Variants in IPCEF1 observed in about 807,000 individuals in gnomAD.
The protein encoded by IPCEF1 is interactor protein for cytohesin exchange factors 1.
Under a neutral mutation model 50.9 loss-of-function variants are expected in IPCEF1, and 31 were observed. The ratio of observed to expected loss-of-function variants is 0.61; its 90% confidence interval spans 0.46 to 0.82. IPCEF1 has a LOEUF of 0.82. Among genes scored for constraint, IPCEF1 ranks in the 40% least tolerant of loss-of-function variants. IPCEF1 has a pLI of 0.00. For missense variants in IPCEF1, 458 were observed against 514.0 expected, an observed-to-expected ratio of 0.89 and a Z score of 1.05; for synonymous variants, 181 against 192.0, an observed-to-expected ratio of 0.94 and a Z score of 0.47.
chr6:154,266,226 G>GA (rs923855152), intron 2 of IPCEF1, among the ~76,000 whole-genome samples: 64 of 151,412 alleles, frequency 4.2e-4, no homozygotes, highest in African/African-American at 1.5e-3. Context: ...GTCCCTAAAA[G>GA]AAAAAAAACA....
chr6:154,341,413 G>A (rs1783915626), intron 1 of IPCEF1, among the ~76,000 whole-genome samples: 1 of 152,242 alleles, frequency 6.6e-6, no homozygotes, highest in Non-Finnish European at 1.5e-5. Context: ...GAAGCCTACA[G>A]AAGGGATCAT....
chr6:154,237,296 G>A (rs1448155106), intron 5 of IPCEF1, among the ~76,000 whole-genome samples: 1 of 152,184 alleles, frequency 6.6e-6, no homozygotes, highest in African/African-American at 2.4e-5. Flanking sequence ...TCTTCCTCCA[G>A]GGTGGAAAAC....
At chr6:154,315,600 A>G (rs57737995) in intron 1 of IPCEF1, among the ~76,000 whole-genome samples, 6,911 of 152,194 alleles carry the variant, frequency 0.045, 193 homozygotes, top group South Asian at 0.096. Flanking sequence ...GCCAGTATCC[A>G]CCATTAATGA....
rs536559176 is a variant in IPCEF1, at chr6:154,176,438, CA to C, written c.911-8326del. 5.9e-3 allele frequency among the ~76,000 whole-genome samples: 905 copies of C among 152,274 alleles called. 12 individuals are homozygous for C. Among genetic ancestry groups the C allele is most frequent in the African/African-American group, 0.021 (864 of 41,548 alleles). On this transcript the variant is annotated intron_variant, in intron 10 of 11. Coordinates refer to ENST00000367220, the MANE Select transcript of IPCEF1 (RefSeq NM_001130700.2). The stretch of plus-strand genomic sequence containing the variant: ...TTTAGAAAACCCCATCATCTCAGCC[CA>C]AAATCTCCTTAAGCTGATAAGCAAC...
intron 1 of IPCEF1, among the ~76,000 whole-genome samples, chr6:154,307,876 C>T (rs1782976090): frequency 6.6e-6 from 1 of 152,182 alleles, no homozygotes; most frequent in Admixed American, 6.5e-5. Flanking sequence ...GACGACTGAG[C>T]TGCCCTTTCC....
intron 5 of IPCEF1, among the ~76,000 whole-genome samples, chr6:154,233,278 C>T (rs1235107780): frequency 1.3e-5 from 2 of 152,252 alleles, no homozygotes; most frequent in South Asian, 4.1e-4. Context: ...CTGAGCCATC[C>T]GACTAGCTGT....
intron 9 of IPCEF1, among the ~76,000 whole-genome samples, chr6:154,200,970 G>A (rs575989449): frequency 6.6e-6 from 1 of 152,216 alleles, no homozygotes; most frequent in Admixed American, 6.5e-5. Flanking sequence ...TTGGATCATG[G>A]GGGTGGTTTC....
intron 10 of IPCEF1, among the ~76,000 whole-genome samples, chr6:154,197,744 ACCT>A (rs1431145525): frequency 6.6e-6 from 1 of 151,620 alleles, no homozygotes; most frequent in African/African-American, 2.4e-5. Flanking sequence ...AAAACCCTCA[ACCT>A]CCAGGGTTAT....
intron 10 of IPCEF1, among the ~76,000 whole-genome samples, chr6:154,169,063 A>G (rs1448857437): frequency 6.8e-6 from 1 of 147,106 alleles, no homozygotes; most frequent in African/African-American, 2.5e-5. Flanking sequence ...CCAAAAGCTC[A>G]CCCAAATATC....
At chr6:154,218,490 A>T (rs933897911) in intron 7 of IPCEF1, among the ~76,000 whole-genome samples, 1 of 152,126 alleles carries the variant, frequency 6.6e-6, no homozygotes, top group East Asian at 1.9e-4. Context: ...AACTTCTAAA[A>T]CAAGGACTCA....
chr6:154,268,530 C>A (rs1311612011), intron 2 of IPCEF1, among the ~76,000 whole-genome samples: 1 of 152,214 alleles, frequency 6.6e-6, no homozygotes, highest in Non-Finnish European at 1.5e-5. Flanking sequence ...CAAGAACATC[C>A]TAACTGATGT....
intron 6 of IPCEF1, among the ~76,000 whole-genome samples, chr6:154,222,663 G>T (rs749609783): frequency 6.6e-6 from 1 of 151,914 alleles, no homozygotes; most frequent in Non-Finnish European, 1.5e-5. Flanking sequence ...AATTTTTTTT[G>T]GTCCCTGTCA....
intron 3 of IPCEF1, among the ~76,000 whole-genome samples, chr6:154,257,374 T>G (rs1034555374): frequency 6.6e-6 from 1 of 152,216 alleles, no homozygotes; most frequent in Non-Finnish European, 1.5e-5. Flanking sequence ...GCAAACTACT[T>G]CCTGCTTCCA....
In IPCEF1 at chr6:154,241,774, T is replaced by G. The variant is rs367686332; in HGVS notation, c.246+4817A>C. On this transcript the variant is annotated intron_variant, in intron 5 of 11. Transcript: ENST00000367220. ...TGCTGCTAGGTTCATATTTTTCGCA[T>G]GCCAATTTCACGAGCTCACCTTCCG... 2.6e-5 allele frequency among the ~76,000 whole-genome samples: 4 copies of G among 152,284 alleles called. No homozygotes were observed. The East Asian group carries it at 7.7e-4, about 29-fold the overall frequency.
chr6:154,289,625 T>C (rs1428620556), intron 2 of IPCEF1, 88 bp downstream of exon 2: 1 of 152,064 alleles, frequency 6.6e-6, no homozygotes, highest in African/African-American at 2.4e-5. Flanking sequence ...ATTCACAAAC[T>C]AGAATAACAA....
At chr6:154,185,859 G>C (rs1220491322) in intron 10 of IPCEF1, among the ~76,000 whole-genome samples, 1 of 152,230 alleles carries the variant, frequency 6.6e-6, no homozygotes, top group Non-Finnish European at 1.5e-5. Flanking sequence ...GCTGTCCTGA[G>C]CCACAAGTTG....
Position 154,214,216 on chromosome 6 carries a change from A to G in IPCEF1, c.451+2T>C, listed in dbSNP as rs1320650612. The stretch of plus-strand genomic sequence containing the variant: ...TTTTCAGAAATTTAAAATAGAACAT[A>G]CCTTCATCCTTTGTAGTGGATTCCT... On this transcript the variant is annotated splice_donor_variant, in intron 8 of 11. Transcript: ENST00000367220. LOFTEE classifies it high-confidence loss of function. The G allele has an allele frequency of 6.3e-7, 1 of 1,590,534 alleles. No homozygotes were observed. The highest frequency in any genetic ancestry group is 8.6e-7 in the Non-Finnish European group (1 of 1,158,516).
chr6:154,307,970 T>C (rs1223209913), intron 1 of IPCEF1, among the ~76,000 whole-genome samples: 1 of 152,122 alleles, frequency 6.6e-6, no homozygotes, highest in African/African-American at 2.4e-5. Flanking sequence ...CTCTCACCAC[T>C]GAAAAGAAGA....
rs1225799341 is a variant in IPCEF1 at position 154,154,943 on chromosome 6, TA to T, written c.*4884del. The T allele has an allele frequency of 6.6e-6, 1 of 152,504 alleles. No individual in the cohort carries two copies. 9.4% of individuals were successfully genotyped at this position (152,504 alleles called of 1,614,324 possible). ...CAAGCACATTAAAATATATGGCGATTAAAACTCCTGGTTTCTATTTTACGGC... is the reference window on the plus strand; with the variant it reads ...CAAGCACATTAAAATATATGGCGATTAAACTCCTGGTTTCTATTTTACGGC... On this transcript the variant is annotated 3_prime_UTR_variant, in exon 12 of 12. Coordinates refer to ENST00000367220, the MANE Select transcript of IPCEF1 (RefSeq NM_001130700.2).
Sources: gnomAD v4.1 joint callset for allele counts (sites outside exome capture counted in the v4.1 genomes callset) on GRCh38, gnomAD v4.1.1 for gene constraint, MANE v1.5 for transcripts, NCBI Gene and HGNC (gene_info 2026-07-23, HGNC 2026-07-21) for gene names.